POU3F3: variants seen among roughly 807,000 people sequenced by gnomAD.
POU3F3 encodes POU domain, class 3, transcription factor 3.
In POU3F3, 1 loss-of-function variant was observed where a neutral mutation model predicts 8.6. That is an observed-to-expected ratio of 0.12 (90% CI 0.04 to 0.55). The LOEUF (loss-of-function observed/expected upper bound fraction) is 0.55. POU3F3 is among the 20% of genes least tolerant of loss of function. POU3F3 has a pLI of 0.91. For missense variants in POU3F3, 577 were observed against 690.7 expected (o/e 0.84, Z 1.84); for synonymous variants, 418 against 327.4 (o/e 1.28, Z -2.99).
rs767894321 is a variant in POU3F3 at position 104,856,560 on chromosome 2, C to T, written c.1050C>T (p.Leu350=). ...QADVGLALGT[L]YGNVFSQTTI... ...ACGTGGGGTTGGCGCTGGGCACACT[C>T]TACGGCAACGTGTTCTCGCAGACCA... The change falls in exon 1 of 1, where the codon CTC becomes CTT. Residue 350 remains leucine, a synonymous_variant. Coordinates refer to ENST00000361360, the MANE Select transcript of POU3F3 (RefSeq NM_006236.3). The T allele has an allele frequency of 1.2e-5, 19 of 1,614,168 alleles. 1 individual carries two copies. Among genetic ancestry groups the T allele is most frequent in the South Asian group, 1.1e-4 (10 of 91,084 alleles).
the POU3F3 span, among the ~76,000 whole-genome samples, chr2:104,873,321 G>A: frequency 6.6e-6 from 1 of 152,194 alleles, no homozygotes; most frequent in African/African-American, 2.4e-5. Context: ...CCGCGGCCGG[G>A]TCGCCCGGCT....
the POU3F3 span, among the ~76,000 whole-genome samples, chr2:104,924,221 A>G: frequency 1.3e-5 from 2 of 152,236 alleles, no homozygotes; most frequent in African/African-American, 4.8e-5. Flanking sequence ...GGCACAAGCC[A>G]GACAGTCCCA....
the POU3F3 span, among the ~76,000 whole-genome samples, chr2:104,902,342 G>A: frequency 2.0e-5 from 3 of 152,280 alleles, no homozygotes; most frequent in East Asian, 5.8e-4. Flanking sequence ...GGAGCCAAGA[G>A]CATTTCGGCA....
At chr2:104,898,993 A>G in the POU3F3 span, among the ~76,000 whole-genome samples, 5 of 152,224 alleles carry the variant, frequency 3.3e-5, no homozygotes, top group Non-Finnish European at 7.3e-5. Flanking sequence ...ATTGGAAGGA[A>G]GGAGGCCAGA....
the POU3F3 span, among the ~76,000 whole-genome samples, chr2:104,903,896 A>G: frequency 6.6e-6 from 1 of 152,272 alleles, no homozygotes; most frequent in African/African-American, 2.4e-5. Flanking sequence ...ATAGTTACTC[A>G]AGTTGGTCTG....
chr2:104,927,655 G>C, the POU3F3 span, among the ~76,000 whole-genome samples: 1 of 151,224 alleles, frequency 6.6e-6, no homozygotes, highest in Non-Finnish European at 1.5e-5. Flanking sequence ...AGCTGGGGCG[G>C]GGGATTGTTC....
upstream of POU3F3, chr2:104,853,892 G>A (rs949676277): frequency 6.6e-6 from 1 of 152,040 alleles, no homozygotes; most frequent in Non-Finnish European, 1.5e-5. Flanking sequence ...TGGTGAGGGG[G>A]AGGGAGGCTG....
At chr2:104,895,034 G>T in the POU3F3 span, among the ~76,000 whole-genome samples, 1 of 150,938 alleles carries the variant, frequency 6.6e-6, no homozygotes. Context: ...CCAGACTGGG[G>T]CATCTTCACC....
At chr2:104,868,617 G>A in the POU3F3 span, among the ~76,000 whole-genome samples, 2 of 152,056 alleles carry the variant, frequency 1.3e-5, no homozygotes, top group Admixed American at 1.3e-4. Flanking sequence ...TATCCACCCC[G>A]CACCCCTGCT....
the POU3F3 span, chr2:104,872,410 A>C: frequency 6.7e-6 from 3 of 446,698 alleles, no homozygotes; most frequent in African/African-American, 6.0e-5. The surrounding 1 kb of genome is among the most constrained non-coding windows in gnomAD (Gnocchi z 4.6). Context: ...GAAGGGCTGC[A>C]GGGGCGAGAA....
the POU3F3 span, among the ~76,000 whole-genome samples, chr2:104,875,447 C>T: frequency 6.6e-6 from 1 of 152,178 alleles, no homozygotes. Flanking sequence ...TTTTCATTAC[C>T]ATCAGCTATG....
chr2:104,902,849 A>C, the POU3F3 span, among the ~76,000 whole-genome samples: 1 of 152,240 alleles, frequency 6.6e-6, no homozygotes, highest in Admixed American at 6.5e-5. Flanking sequence ...AGAAATAACT[A>C]TTCACCACAC....
chr2:104,889,356 G>A, the POU3F3 span, among the ~76,000 whole-genome samples: 1 of 152,100 alleles, frequency 6.6e-6, no homozygotes, highest in African/African-American at 2.4e-5. Context: ...TTCCCACCTC[G>A]CAGATTGAAT....
chr2:104,860,246 T>C (rs993582171), downstream of POU3F3, among the ~76,000 whole-genome samples: 13 of 152,160 alleles, frequency 8.5e-5, no homozygotes, highest in Admixed American at 7.2e-4. Context: ...AGCAAACCCA[T>C]TTTGTTTCAT....
At chr2:104,879,992 C>T in the POU3F3 span, among the ~76,000 whole-genome samples, 2 of 152,252 alleles carry the variant, frequency 1.3e-5, no homozygotes, top group South Asian at 2.1e-4. Flanking sequence ...GCTAAGATTT[C>T]GAATGCATTT....
chr2:104,895,648 C>T, the POU3F3 span, among the ~76,000 whole-genome samples: 3 of 152,178 alleles, frequency 2.0e-5, no homozygotes, highest in Non-Finnish European at 4.4e-5. Flanking sequence ...CAAACAAATG[C>T]AAATGAGAAA....
the POU3F3 span, among the ~76,000 whole-genome samples, chr2:104,901,820 C>G: frequency 6.6e-6 from 1 of 152,184 alleles, no homozygotes; most frequent in South Asian, 2.1e-4. Context: ...GCCGGAGCCA[C>G]GGCCAGGTTG....
chr2:104,882,945 G>C, the POU3F3 span, among the ~76,000 whole-genome samples: 2 of 152,192 alleles, frequency 1.3e-5, no homozygotes, highest in East Asian at 3.8e-4. Flanking sequence ...AGGTGAAAAT[G>C]ACAGGTGGTA....
At chr2:104,916,210 C>A in the POU3F3 span, among the ~76,000 whole-genome samples, 1 of 152,054 alleles carries the variant, frequency 6.6e-6, no homozygotes, top group Non-Finnish European at 1.5e-5. Context: ...TTTACAGAGC[C>A]TGAGAGCTTA....
Sources: allele counts gnomAD v4.1 joint callset (sites outside exome capture counted in the v4.1 genomes callset), GRCh38; gene constraint gnomAD v4.1.1; non-coding constraint Gnocchi (gnomAD v3.1); transcripts MANE v1.5; gene names NCBI Gene and HGNC (gene_info 2026-07-23, HGNC 2026-07-21).